Variants in MYO5B observed in about 807,000 individuals in gnomAD.
The protein encoded by MYO5B is unconventional myosin-Vb.
Under a neutral mutation model 229.3 loss-of-function variants are expected in MYO5B, and 143 were observed. That is an observed-to-expected ratio of 0.62 (90% confidence interval 0.54 to 0.72). MYO5B has a LOEUF of 0.72. MYO5B is among the 30% of genes least tolerant of loss of function. The pLI is 0.00. For missense variants in MYO5B, 2,321 were observed against 2,331.0 expected (o/e 1.00, Z 0.09); for synonymous variants, 918 against 885.2 (o/e 1.04, Z -0.66).
intron 1 of MYO5B, among the ~76,000 whole-genome samples, chr18:50,115,547 GACAC>G (rs56886992): frequency 0.12 from 15,245 of 124,976 alleles, 814 homozygotes; most frequent in Non-Finnish European, 0.16. Context: ...CACACAGAGA[GACAC>G]ACACACACAC....
intron 22 of MYO5B, among the ~76,000 whole-genome samples, chr18:49,893,393 C>A (rs1039812134): frequency 1.3e-5 from 2 of 152,186 alleles, no homozygotes; most frequent in African/African-American, 4.8e-5. Flanking sequence ...GTAGAAAGGT[C>A]ACCATCCCAT....
chr18:50,172,282 A>G lies in MYO5B; in HGVS notation c.27+22485T>C, dbSNP rs184237678. On this transcript the variant is annotated intron_variant, in intron 1 of 39. Coordinates refer to ENST00000285039, the MANE Select transcript of MYO5B (RefSeq NM_001080467.3). ...GGTGATAGAGTGAGACCCTGACAAA[A>G]AAAGACAAAAAAAAAAAAAAAAAAA... Among the ~76,000 whole-genome samples, 427 of 140,360 alleles carry G rather than the reference A, an allele frequency of 3.0e-3. 3 individuals carry two copies. Among genetic ancestry groups the G allele is most frequent in the African/African-American group, 0.011 (392 of 36,620 alleles). The allele number at this position is 140,360 out of a possible 152,430, so 92.1% of individuals were successfully genotyped here.
intron 21 of MYO5B, among the ~76,000 whole-genome samples, chr18:49,900,124 A>G (rs533215342): frequency 6.6e-6 from 1 of 152,362 alleles, no homozygotes; most frequent in African/African-American, 2.4e-5. Flanking sequence ...TGCAGCGGTC[A>G]ATGCCTACTC....
chr18:49,923,174 C>A (rs751934391), intron 17 of MYO5B, among the ~76,000 whole-genome samples: 1 of 152,172 alleles, frequency 6.6e-6, no homozygotes, highest in Non-Finnish European at 1.5e-5. Flanking sequence ...GCAGTCTCTA[C>A]ACCCTTCAAA....
At position 49,906,552 on chromosome 18, in the gene MYO5B, C is replaced by A. The variant is rs201238002; in HGVS notation, c.2281G>T (p.Ala761Ser). Reference sequence around the variant, plus strand: ...ATGGTGGCTGTCCGGAACTTGTCAGCCCGCAGCTTCTCCAGGTAGGCCACC... The same window carrying A: ...ATGGTGGCTGTCCGGAACTTGTCAGACCGCAGCTTCTCCAGGTAGGCCACC... ...GQVAYLEKLR[A>S]DKFRTATIMI... Residue 761 changes from alanine to serine, a missense_variant, in exon 19 of 40, where the codon GCT becomes TCT. This residue lies in a region of MYO5B where 2,113 missense variants were observed against 2,044.7 expected (regional missense o/e 1.03). Transcript: ENST00000285039. The A allele has an allele frequency of 6.2e-7, 1 of 1,614,176 alleles. No homozygotes were observed. Among genetic ancestry groups the A allele is most frequent in the African/African-American group, 1.3e-5 (1 of 75,050 alleles).
intron 1 of MYO5B, among the ~76,000 whole-genome samples, chr18:50,127,002 T>C (rs543165706): frequency 1.6e-4 from 25 of 152,324 alleles, no homozygotes; most frequent in East Asian, 7.7e-4. Context: ...CCTTGCCACA[T>C]AGAGAGTTAG....
intron 1 of MYO5B, among the ~76,000 whole-genome samples, chr18:50,101,891 C>A (rs1217416259): frequency 6.6e-6 from 1 of 152,080 alleles, no homozygotes; most frequent in Admixed American, 6.6e-5. Flanking sequence ...TGGGTATATA[C>A]CCAAAGGAAT....
At chr18:49,980,421 T>G (rs1327027198) in intron 9 of MYO5B, 23 bp downstream of exon 9, 1 of 1,498,938 alleles carries the variant, frequency 6.7e-7, no homozygotes, top group Non-Finnish European at 9.3e-7. Flanking sequence ...TCATTTTATC[T>G]CCGGTGTTGG....
chr18:49,831,701 T>G (rs2023924501), intron 39 of MYO5B, among the ~76,000 whole-genome samples: 1 of 152,130 alleles, frequency 6.6e-6, no homozygotes, highest in Admixed American at 6.5e-5. Flanking sequence ...AGTTTCAGAT[T>G]CCTCAAAAAG....
At chr18:49,836,471 G>A (rs751849422) in intron 38 of MYO5B, among the ~76,000 whole-genome samples, 4 of 152,134 alleles carry the variant, frequency 2.6e-5, no homozygotes, top group Non-Finnish European at 5.9e-5. Flanking sequence ...ATCTTTTTAA[G>A]TGAGTAAGAG....
At chr18:49,836,564 A>G in intron 38 of MYO5B, 147 bp downstream of exon 38, 1 of 902,114 alleles carries the variant, frequency 1.1e-6, no homozygotes, top group South Asian at 1.5e-5. Context: ...GGAATATCCC[A>G]TCAGCTGCAC....
intron 5 of MYO5B, among the ~76,000 whole-genome samples, chr18:49,998,684 G>A (rs2026015571): frequency 6.6e-6 from 1 of 152,200 alleles, no homozygotes; most frequent in Non-Finnish European, 1.5e-5. Flanking sequence ...GTTCAATCAT[G>A]AAAAGGAGCA....
chr18:49,956,976 A>C (rs1355137882), intron 12 of MYO5B, among the ~76,000 whole-genome samples: 1 of 152,076 alleles, frequency 6.6e-6, no homozygotes, highest in African/African-American at 2.4e-5. Flanking sequence ...AAATGTTCTA[A>C]AATTGACTGT....
chr18:50,075,875 T>C (rs2031066603), intron 1 of MYO5B, among the ~76,000 whole-genome samples: 1 of 152,160 alleles, frequency 6.6e-6, no homozygotes, highest in East Asian at 1.9e-4. Context: ...TCAAAAGAAG[T>C]ATCAGTGGCA....
chr18:50,140,274 C>T (rs954964931), intron 1 of MYO5B, among the ~76,000 whole-genome samples: 1 of 152,186 alleles, frequency 6.6e-6, no homozygotes, highest in Non-Finnish European at 1.5e-5. Flanking sequence ...CGGCTATTTG[C>T]AAAATGCTCA....
intron 1 of MYO5B, among the ~76,000 whole-genome samples, chr18:50,141,680 A>G (rs930679186): frequency 6.6e-6 from 1 of 152,142 alleles, no homozygotes; most frequent in South Asian, 2.1e-4. Context: ...CCCCTACCCT[A>G]AATCATATTT....
intron 29 of MYO5B, among the ~76,000 whole-genome samples, chr18:49,858,461 T>A (rs2024288927): frequency 6.6e-6 from 1 of 152,182 alleles, no homozygotes; most frequent in Non-Finnish European, 1.5e-5. Flanking sequence ...CACTGACTCC[T>A]GCGCCAGGAC....
chr18:49,968,042 A>G (rs1486658272), intron 10 of MYO5B, among the ~76,000 whole-genome samples: 1 of 152,152 alleles, frequency 6.6e-6, no homozygotes, highest in African/African-American at 2.4e-5. Context: ...TCCTCTCCCA[A>G]CCTAACAGCC....
chr18:49,867,552 T>C (rs1223793675), intron 27 of MYO5B, among the ~76,000 whole-genome samples: 1 of 152,142 alleles, frequency 6.6e-6, no homozygotes, highest in Non-Finnish European at 1.5e-5. Context: ...CTAGGTTAGC[T>C]GGACATTGGA....
Sources: allele counts gnomAD v4.1 joint callset (sites outside exome capture counted in the v4.1 genomes callset), GRCh38; gene constraint gnomAD v4.1.1; regional missense constraint gnomAD v4.1.1; transcripts MANE v1.5; gene names NCBI Gene and HGNC (gene_info 2026-07-23, HGNC 2026-07-21).